GK: variants seen among roughly 807,000 people sequenced by gnomAD.
The protein encoded by GK is ATP:glycerol 3-phosphotransferase.
Under a neutral mutation model 56.4 loss-of-function variants are expected in GK, and 9 were observed. That is an observed-to-expected ratio of 0.16 (90% CI 0.10 to 0.28). The LOEUF is 0.28. Ranked by LOEUF, GK falls within the 10% of genes least tolerant of loss-of-function variation. The pLI is 1.00. For missense variants in GK, 161 were observed against 431.4 expected (o/e 0.37, Z 5.55); for synonymous variants, 104 against 144.1 (o/e 0.72, Z 1.99).
At chrX:30,669,029 G>A (rs1272182884) in intron 3 of GK, among the ~76,000 whole-genome samples, 1 of 110,812 alleles carries the variant, frequency 9.0e-6, no homozygotes, top group African/African-American at 3.3e-5. Flanking sequence ...CTGGATAGAT[G>A]AGGATGCCTT....
chrX:30,720,246 C>T lies in GK; in HGVS notation c.1236+151C>T, dbSNP rs747896793. 8.3e-6 allele frequency: 4 copies of T among 483,818 alleles called. No individual in the cohort carries two copies. The Admixed American group carries it at 1.2e-4, about 15-fold the overall frequency. The allele number at this position is 483,818 out of a possible 1,213,427, so 39.9% of individuals were successfully genotyped here. On this transcript the variant is annotated intron_variant, in intron 16 of 20. Coordinates refer to ENST00000427190, the MANE Select transcript of GK (RefSeq NM_001205019.2). ...CTAATCTAAATATAAGCAGGGTTTT[C>T]CCCCTTTTTCCAGCTGTCATTACCT...
intron 4 of GK, among the ~76,000 whole-genome samples, chrX:30,683,546 T>C (rs1934413046): frequency 9.0e-6 from 1 of 111,702 alleles, no homozygotes. Flanking sequence ...GGCCACGGCA[T>C]AGGCTTGATG....
chrX:30,699,555 G>T (rs112388360), intron 9 of GK, among the ~76,000 whole-genome samples: 5,726 of 107,284 alleles, frequency 0.053, 173 homozygotes, highest in Non-Finnish European at 0.077. Flanking sequence ...GTGGAGATGG[G>T]GTTTCACCAT....
chrX:30,696,737 A>G, intron 8 of GK, 54 bp downstream of exon 8: 2 of 905,697 alleles, frequency 2.2e-6, no homozygotes, highest in Non-Finnish European at 3.2e-6. Context: ...AAAACAAACA[A>G]AAAAAAACCT....
At chrX:30,696,179 T>C in intron 7 of GK, 28 bp downstream of exon 7, 1 of 814,553 alleles carries the variant, frequency 1.2e-6, no homozygotes. Flanking sequence ...CTAAATATAG[T>C]TTTCCCAATA....
At chrX:30,701,581 G>A (rs1422649962) in intron 11 of GK, among the ~76,000 whole-genome samples, 1 of 111,981 alleles carries the variant, frequency 8.9e-6, no homozygotes, top group Non-Finnish European at 1.9e-5. Context: ...GGCATATTAA[G>A]TCTTTCTCAC....
chrX:30,699,280 TACA>T (rs1199757006), intron 9 of GK, among the ~76,000 whole-genome samples: 12 of 91,657 alleles, frequency 1.3e-4, no homozygotes, highest in African/African-American at 2.4e-4. Context: ...CATGTATATA[TACA>T]ACATGTTATA....
chrX:30,662,781 CTCTCTCTT>C (rs1324059868), intron 1 of GK, among the ~76,000 whole-genome samples: 6 of 104,538 alleles, frequency 5.7e-5, no homozygotes, highest in African/African-American at 2.1e-4. Flanking sequence ...CTCTCTCTCT[CTCTCTCTT>C]TCTTTCCTTC....
intron 1 of GK, among the ~76,000 whole-genome samples, chrX:30,664,624 A>C (rs1445099875): frequency 1.1e-4 from 12 of 109,358 alleles, no homozygotes; most frequent in Non-Finnish European, 1.9e-5. Context: ...GCAATTTATG[A>C]CAAGCATGTC....
At chrX:30,705,299 A>C (rs778825351) in intron 11 of GK, among the ~76,000 whole-genome samples, 19 of 112,491 alleles carry the variant, frequency 1.7e-4, no homozygotes, top group African/African-American at 5.8e-4. Context: ...GGGGGAAGAA[A>C]TTATGGATGA....
intron 1 of GK, among the ~76,000 whole-genome samples, chrX:30,653,927 C>T (rs1175898420): frequency 8.9e-6 from 1 of 112,778 alleles, no homozygotes; most frequent in African/African-American, 3.2e-5. Flanking sequence ...CAGAGCGGCC[C>T]GCTTGCAGTA....
At chrX:30,668,381 G>A (rs1283469513) in intron 3 of GK, among the ~76,000 whole-genome samples, 1 of 112,309 alleles carries the variant, frequency 8.9e-6, no homozygotes, top group Non-Finnish European at 1.9e-5. Flanking sequence ...GTGGTATGGT[G>A]GGTTTTGCCT....
intron 4 of GK, among the ~76,000 whole-genome samples, chrX:30,686,925 A>C (rs1423476591): frequency 9.0e-6 from 1 of 111,011 alleles, no homozygotes; most frequent in Non-Finnish European, 1.9e-5. Context: ...ACTCCCTAGC[A>C]TCAATTTTCC....
chrX:30,696,813 T>C (rs957912520), intron 8 of GK, 130 bp downstream of exon 8: 14 of 531,106 alleles, frequency 2.6e-5, no homozygotes, highest in African/African-American at 1.6e-4. Context: ...AACTGTGTTA[T>C]GTTTTGTGAC....
chrX:30,709,708 CTAA>C (rs1364798186), intron 13 of GK, among the ~76,000 whole-genome samples: 2 of 110,684 alleles, frequency 1.8e-5, no homozygotes, highest in Admixed American at 9.6e-5. Context: ...TTAATTTAGA[CTAA>C]TATTTATTAA....
intron 1 of GK, among the ~76,000 whole-genome samples, chrX:30,660,100 TCTC>T (rs1932639932): frequency 9.0e-6 from 1 of 111,304 alleles, no homozygotes; most frequent in Non-Finnish European, 1.9e-5. Flanking sequence ...TTTTAATTAC[TCTC>T]CTCCTCCAAA....
At chrX:30,675,373 A>G (rs1483810969) in intron 3 of GK, among the ~76,000 whole-genome samples, 2 of 102,634 alleles carry the variant, frequency 1.9e-5, no homozygotes, top group Non-Finnish European at 4.0e-5. Flanking sequence ...TTTTTTTTGT[A>G]TTTTTAGTAG....
intron 13 of GK, 146 bp from the exon 14 acceptor site, chrX:30,718,392 T>C: frequency 2.1e-6 from 1 of 482,777 alleles, no homozygotes; most frequent in Non-Finnish European, 3.7e-6. Flanking sequence ...ATGTTTGTAT[T>C]AGAAGACCTA....
rs772836383 is a variant in GK at position 30,700,932 on chromosome X, C to T, written c.851+27C>T. ...TGAGTTTAAGAAACAGACTTAAAAA[C>T]CAATGCTGTTTTGTTTTTTCTACTT... On this transcript the variant is annotated intron_variant, in intron 11 of 20. Transcript: ENST00000427190. 113 of 1,016,366 alleles carry T rather than the reference C, an allele frequency of 1.1e-4. No homozygotes were observed. In the Admixed American group the frequency reaches 2.3e-3, roughly 21 times the overall value. The allele number at this position is 1,016,366 out of a possible 1,213,427, so 83.8% of individuals were successfully genotyped here.
Sources: gnomAD v4.1 joint callset for allele counts (sites outside exome capture counted in the v4.1 genomes callset) on GRCh38, gnomAD v4.1.1 for gene constraint, MANE v1.5 for transcripts, NCBI Gene and HGNC (gene_info 2026-07-23, HGNC 2026-07-21) for gene names.